The following XPO7 variants were observed in gnomAD, a reference collection of about 807,000 sequenced individuals.
XPO7 encodes exportin 7.
A neutral mutation model predicts 144.3 loss-of-function variants in XPO7; 21 were observed. The observed-to-expected ratio is 0.15, with a 90% confidence interval of 0.10 to 0.21. The LOEUF (loss-of-function observed/expected upper bound fraction) is 0.21, where lower values mean the gene tolerates loss of function less well. Among genes scored for constraint, XPO7 ranks in the 10% least tolerant of loss-of-function variants. The pLI, the probability that XPO7 is intolerant of heterozygous loss-of-function variation, is 1.00. For synonymous variants in XPO7, 580 were observed against 499.6 expected (o/e 1.16, Z -2.15); for missense variants, 808 against 1,325.8 (o/e 0.61, Z 6.06).
chr8:21,985,740 C>A, intron 13 of XPO7, 49 bp downstream of exon 13: 1 of 1,521,464 alleles, frequency 6.6e-7, no homozygotes, highest in African/African-American at 1.4e-5. Flanking sequence ...TGGCACTTCT[C>A]CACTCCCCGA....
chr8:21,961,421 G>T (rs929201286), intron 1 of XPO7, among the ~76,000 whole-genome samples: 3 of 151,870 alleles, frequency 2.0e-5, no homozygotes, highest in Non-Finnish European at 4.4e-5. Flanking sequence ...TCCCTATATT[G>T]CTCAGGCTGG....
intron 3 of XPO7, chr8:21,969,893 C>CAT: frequency 1.8e-6 from 1 of 544,928 alleles, no homozygotes; most frequent in East Asian, 3.1e-5. Flanking sequence ...CTTTAGCTAC[C>CAT]TAGGGATAGA....
At chr8:21,995,917 G>A (rs150111066) in intron 21 of XPO7, among the ~76,000 whole-genome samples, 326 of 152,144 alleles carry the variant, frequency 2.1e-3, no homozygotes, top group African/African-American at 7.3e-3. Flanking sequence ...CTGGGTTCAC[G>A]CCATTCCCCT....
intron 15 of XPO7, among the ~76,000 whole-genome samples, chr8:21,988,099 G>A (rs955321427): frequency 2.0e-5 from 3 of 152,176 alleles, no homozygotes; most frequent in African/African-American, 4.8e-5. Context: ...TTAGCCTCTG[G>A]AATCACAGGT....
intron 1 of XPO7, among the ~76,000 whole-genome samples, chr8:21,937,339 G>T (rs1810853797): frequency 6.6e-6 from 1 of 152,134 alleles, no homozygotes; most frequent in South Asian, 2.1e-4. Context: ...TTATGTTTCA[G>T]GCTGAAGCAC....
chr8:21,979,490 C>G (rs994757472), intron 8 of XPO7, among the ~76,000 whole-genome samples: 22 of 150,856 alleles, frequency 1.5e-4, no homozygotes, highest in African/African-American at 5.4e-4. Context: ...TCACTGCAGC[C>G]TCCGCCTCCC....
intron 1 of XPO7, among the ~76,000 whole-genome samples, chr8:21,960,322 A>G (rs1248887481): frequency 1.3e-5 from 2 of 152,234 alleles, no homozygotes; most frequent in Non-Finnish European, 2.9e-5. Context: ...CCTTTAGAGG[A>G]TTCACCTTGC....
intron 1 of XPO7, among the ~76,000 whole-genome samples, chr8:21,949,494 G>T (rs2117286120): frequency 6.6e-6 from 1 of 152,328 alleles, no homozygotes; most frequent in South Asian, 2.1e-4. Context: ...CATTAATTGT[G>T]TCAGAGTAGT....
chr8:21,996,982 A>G (rs552683128), intron 21 of XPO7, among the ~76,000 whole-genome samples: 5 of 151,934 alleles, frequency 3.3e-5, no homozygotes, highest in Non-Finnish European at 5.9e-5. Flanking sequence ...CTAATTTTCT[A>G]TTTTTAGTAG....
chr8:21,973,805 A>T (rs1812140156), intron 5 of XPO7, among the ~76,000 whole-genome samples: 1 of 152,248 alleles, frequency 6.6e-6, no homozygotes, highest in Non-Finnish European at 1.5e-5. Flanking sequence ...CATACTAAAG[A>T]AGTAAAAGAT....
intron 27 of XPO7, 70 bp from the exon 28 acceptor site, chr8:22,004,919 TAAAAAA>T (rs10548676): frequency 3.6e-5 from 10 of 275,206 alleles, no homozygotes; most frequent in Admixed American, 4.7e-5. Context: ...TCCCATGCTT[TAAAAAA>T]AAAAAAAAAA....
intron 16 of XPO7, among the ~76,000 whole-genome samples, chr8:21,989,997 C>T (rs1045618408): frequency 6.6e-6 from 1 of 150,794 alleles, no homozygotes; most frequent in African/African-American, 2.4e-5. Flanking sequence ...CTACAGGCAC[C>T]CGCCACCATG....
chr8:21,980,231 T>C (rs1254420589), intron 9 of XPO7, 28 bp downstream of exon 9: 3 of 1,557,692 alleles, frequency 1.9e-6, no homozygotes, highest in Admixed American at 1.9e-5. Flanking sequence ...TTTACATATG[T>C]ATAGGATTAG....
intron 1 of XPO7, among the ~76,000 whole-genome samples, chr8:21,947,692 AT>A (rs1563317007): frequency 6.6e-6 from 1 of 152,214 alleles, no homozygotes; most frequent in Non-Finnish European, 1.5e-5. Context: ...AGCACTAATC[AT>A]AAAGGAAAAT....
chr8:21,995,389 GAA>G (rs1401808015), intron 20 of XPO7, 101 bp from the exon 21 acceptor site: 1 of 885,036 alleles, frequency 1.1e-6, no homozygotes, highest in East Asian at 2.7e-5. Context: ...GGAACTTAAA[GAA>G]CTGTAGTTTG....
At chr8:21,998,876 C>G in intron 22 of XPO7, 39 bp downstream of exon 22, 1 of 1,602,916 alleles carries the variant, frequency 6.2e-7, no homozygotes, top group Middle Eastern at 1.7e-4. Context: ...GAAGTTAATT[C>G]CAGCTCAGTC....
chr8:21,971,837 A>G, intron 4 of XPO7, 39 bp from the exon 5 acceptor site: 3 of 1,571,462 alleles, frequency 1.9e-6, no homozygotes, highest in Admixed American at 1.7e-5. Flanking sequence ...AACCAAGCAC[A>G]CATGACAACT....
intron 4 of XPO7, among the ~76,000 whole-genome samples, chr8:21,971,173 A>G (rs1051676098): frequency 1.3e-5 from 2 of 152,236 alleles, no homozygotes; most frequent in African/African-American, 4.8e-5. Flanking sequence ...AGCCTGTACC[A>G]TACAGCCTAG....
chr8:21,995,534 C>T lies in XPO7; in HGVS notation c.2280C>T (p.Leu760=). Residue 760 remains leucine (L), a synonymous_variant, in exon 21 of 28, where the codon CTC becomes CTT. Coordinates refer to ENST00000252512, the MANE Select transcript of XPO7 (RefSeq NM_015024.5). ...YMPILQRAIE[L]WYHDPACTTP... ...CAATTCTCCAACGGGCAATTGAGCT[C>T]TGGTACCATGATCCAGCCTGTACTA... 1 of 1,610,590 alleles carries T rather than the reference C, an allele frequency of 6.2e-7. No homozygotes were observed. The highest frequency in any genetic ancestry group is 8.5e-7 in the Non-Finnish European group (1 of 1,178,348).
Sources: allele counts gnomAD v4.1 joint callset (sites outside exome capture counted in the v4.1 genomes callset), GRCh38; gene constraint gnomAD v4.1.1; transcripts MANE v1.5; gene names NCBI Gene and HGNC (gene_info 2026-07-23, HGNC 2026-07-21).